Variants in C4orf51 observed in about 807,000 individuals in gnomAD.
C4orf51 encodes the protein uncharacterized protein C4orf51.
A neutral mutation model predicts 25.2 loss-of-function variants in C4orf51; 25 were observed. That is an observed-to-expected ratio of 0.99 (90% CI 0.72 to 1.39). The LOEUF (loss-of-function observed/expected upper bound fraction) is 1.39. C4orf51 is among the 40% of genes most tolerant of loss of function. The pLI is 0.00. For missense variants in C4orf51, 252 were observed against 239.6 expected, an observed-to-expected ratio of 1.05 and a Z score of -0.34; for synonymous variants, 100 against 84.5, an observed-to-expected ratio of 1.18 and a Z score of -1.01.
chr4:145,702,548 A>G (rs1460568083), intron 2 of C4orf51, among the ~76,000 whole-genome samples: 1 of 152,136 alleles, frequency 6.6e-6, no homozygotes, highest in African/African-American at 2.4e-5. Flanking sequence ...AACTACTCAT[A>G]CATGCCCTGC....
intron 1 of C4orf51, among the ~76,000 whole-genome samples, chr4:145,766,244 C>T (rs1192646044): frequency 1.3e-5 from 2 of 152,066 alleles, no homozygotes; most frequent in African/African-American, 4.8e-5. Flanking sequence ...GGACCCTCTC[C>T]CTCAAAGCCA....
At chr4:145,708,033 C>A (rs35728986) in intron 2 of C4orf51, among the ~76,000 whole-genome samples, 1 of 152,144 alleles carries the variant, frequency 6.6e-6, no homozygotes, top group African/African-American at 2.4e-5. Flanking sequence ...ATGGACATAG[C>A]TTTTATCCCA....
the C4orf51 span, among the ~76,000 whole-genome samples, chr4:145,781,218 G>GAAAA: frequency 2.8e-5 from 2 of 70,852 alleles, no homozygotes; most frequent in African/African-American, 5.7e-5. Flanking sequence ...AAAAAAAAAA[G>GAAAA]AAAAAAAAAG....
rs1035734107 is a variant in C4orf51 at position 145,738,801 on chromosome 4, G to A, written n.167+6182G>A. Among the ~76,000 whole-genome samples the A allele has an allele frequency of 5.3e-5, 8 of 151,854 alleles. 1 individual carries two copies. The East Asian group carries it at 1.2e-3, about 22-fold the overall frequency. On this transcript the variant is annotated intron_variant and non_coding_transcript_variant, in intron 1 of 1. Transcript: ENST00000508981. The stretch of plus-strand genomic sequence containing the variant: ...ACCACAGGTGGGCACCACAACGCCC[G>A]ACTAATTTTTTGTATTTTTGGTAGA...
At chr4:145,784,544 C>T in the C4orf51 span, among the ~76,000 whole-genome samples, 1 of 152,162 alleles carries the variant, frequency 6.6e-6, no homozygotes, top group African/African-American at 2.4e-5. Flanking sequence ...ACATTTCCAT[C>T]TTAATTATCT....
intron 2 of C4orf51, among the ~76,000 whole-genome samples, chr4:145,702,653 G>A (rs1730531786): frequency 1.3e-5 from 2 of 152,174 alleles, no homozygotes; most frequent in Admixed American, 1.3e-4. Context: ...AACTCTTGAA[G>A]TAAATAAATA....
intron 2 of C4orf51, among the ~76,000 whole-genome samples, chr4:145,724,880 C>CAAAAAAA (rs1222983724): frequency 8.2e-4 from 56 of 68,244 alleles, no homozygotes; most frequent in South Asian, 1.1e-3. Context: ...AAGACTGTCT[C>CAAAAAAA]AAAAAAAAAA....
At chr4:145,720,301 AG>A (rs1352779735) in intron 2 of C4orf51, among the ~76,000 whole-genome samples, 1 of 152,136 alleles carries the variant, frequency 6.6e-6, no homozygotes, top group Non-Finnish European at 1.5e-5. Context: ...TTCCCAGCAG[AG>A]GAAACTTCCC....
the C4orf51 span, among the ~76,000 whole-genome samples, chr4:145,778,564 A>C: frequency 3.9e-5 from 6 of 152,160 alleles, no homozygotes; most frequent in Admixed American, 6.5e-5. Flanking sequence ...GTTAGCTGGG[A>C]TGCAGCCACT....
intron 1 of C4orf51, among the ~76,000 whole-genome samples, chr4:145,689,853 T>G (rs1302082161): frequency 6.6e-6 from 1 of 151,930 alleles, no homozygotes; most frequent in African/African-American, 2.4e-5. Context: ...TTTCACCATA[T>G]AAAAAAAATT....
the C4orf51 span, among the ~76,000 whole-genome samples, chr4:145,781,233 A>G: frequency 1.7e-4 from 26 of 150,444 alleles, no homozygotes; most frequent in East Asian, 4.8e-3. Context: ...AAAAAGAAAA[A>G]AAAAAAAAGA....
chr4:145,682,286 T>C (rs574464255), intron 1 of C4orf51, among the ~76,000 whole-genome samples: 17 of 152,340 alleles, frequency 1.1e-4, no homozygotes, highest in Non-Finnish European at 2.1e-4. Flanking sequence ...GCAAGTGTTA[T>C]AAATGAAGAT....
At chr4:145,747,273 A>G (rs1418076471) in intron 1 of C4orf51, among the ~76,000 whole-genome samples, 3 of 152,022 alleles carry the variant, frequency 2.0e-5, no homozygotes, top group Non-Finnish European at 4.4e-5. Context: ...GTTGTGTTCC[A>G]TATCTTAGAG....
At chr4:145,791,276 G>A in the C4orf51 span, among the ~76,000 whole-genome samples, 1 of 152,148 alleles carries the variant, frequency 6.6e-6, no homozygotes, top group Non-Finnish European at 1.5e-5. Context: ...AAGAGGCAAG[G>A]GGTCTTTTAT....
intron 2 of C4orf51, among the ~76,000 whole-genome samples, chr4:145,715,650 A>G (rs1353129607): frequency 1.3e-5 from 2 of 152,142 alleles, no homozygotes; most frequent in East Asian, 3.9e-4. Context: ...GTGGTTGTCA[A>G]AATCAATCCG....
intron 1 of C4orf51, among the ~76,000 whole-genome samples, chr4:145,752,608 G>T (rs1378032842): frequency 6.6e-6 from 1 of 152,192 alleles, no homozygotes; most frequent in Non-Finnish European, 1.5e-5. Flanking sequence ...TGTACTGCCT[G>T]GGGTTGGTGG....
chr4:145,726,763 C>T, intron 2 of C4orf51, 148 bp from the exon 3 acceptor site: 1 of 640,010 alleles, frequency 1.6e-6, no homozygotes, highest in Non-Finnish European at 2.8e-6. Flanking sequence ...AAAACTTACT[C>T]CTCTTATGTA....
Position 145,732,468 on chromosome 4 carries a change from G to A in C4orf51, c.517G>A (p.Asp173Asn), listed in dbSNP as rs10008599. The A allele has an allele frequency of 0.11, 174,711 of 1,607,938 alleles. 10,442 individuals are homozygous for A. The highest frequency in any genetic ancestry group is 0.13 in the African/African-American group (9,398 of 74,918). The change falls in exon 6 of 6, where the codon GAT becomes AAT. Residue 173 changes from aspartate to asparagine, a missense_variant. By Grantham distance (23) the Asp-to-Asn change is conservative. Transcript: ENST00000438731. ...TTTTCTCCAGCTTCATGGACGGTGC[G>A]ATTCTGAAAGCAAGGTTTGCTCATC... Reference protein sequence around the residue: ...GVLKHLHGRCDSESKVCSSED... With the variant: ...GVLKHLHGRCNSESKVCSSED...
chr4:145,773,200 T>G (rs1406069907), downstream of C4orf51, among the ~76,000 whole-genome samples: 1 of 152,220 alleles, frequency 6.6e-6, no homozygotes, highest in South Asian at 2.1e-4. Context: ...GAATTTAATT[T>G]GTCTTCAACA....
Sources: gnomAD v4.1 joint callset for allele counts (sites outside exome capture counted in the v4.1 genomes callset) on GRCh38, gnomAD v4.1.1 for gene constraint, MANE v1.5 for transcripts, NCBI Gene and HGNC (gene_info 2026-07-23, HGNC 2026-07-21) for gene names.